Variants in CEP85L observed in about 807,000 individuals in gnomAD.
The protein encoded by CEP85L is centrosomal protein 85L, also known as centrosomal protein of 85 kDa-like.
A neutral mutation model predicts 100.3 loss-of-function variants in CEP85L; 60 were observed. The observed-to-expected ratio is 0.60, with a 90% CI of 0.49 to 0.74. The LOEUF is 0.74. CEP85L is among the 30% of genes least tolerant of loss of function. CEP85L has a pLI of 0.00. For synonymous variants in CEP85L, 319 were observed against 322.7 expected, an observed-to-expected ratio of 0.99 and a Z score of 0.12; for missense variants, 973 against 936.2, an observed-to-expected ratio of 1.04 and a Z score of -0.51.
At chr6:118,499,807 C>T (rs959955694) in intron 5 of CEP85L, among the ~76,000 whole-genome samples, 7 of 152,108 alleles carry the variant, frequency 4.6e-5, no homozygotes, top group Admixed American at 1.3e-4. Context: ...CTTGAAGCTT[C>T]GCCACCAAGA....
intron 1 of CEP85L, among the ~76,000 whole-genome samples, chr6:118,645,560 A>T (rs749957608): frequency 3.9e-5 from 6 of 152,176 alleles, no homozygotes; most frequent in Non-Finnish European, 8.8e-5. Context: ...TTCCCAGCTG[A>T]GCCTGAGAGG....
intron 10 of CEP85L, among the ~76,000 whole-genome samples, chr6:118,471,328 C>T (rs1429075223): frequency 6.6e-6 from 1 of 152,020 alleles, no homozygotes; most frequent in East Asian, 1.9e-4. Flanking sequence ...AATTGCCATA[C>T]ACCCTGTAGT....
At chr6:118,654,688 T>A (rs1215016048), upstream of CEP85L, among the ~76,000 whole-genome samples, 2 of 152,256 alleles carry the variant, frequency 1.3e-5, no homozygotes, top group Non-Finnish European at 2.9e-5. Flanking sequence ...GCAGGTAGAA[T>A]TCAAATAGGT....
intron 1 of CEP85L, among the ~76,000 whole-genome samples, chr6:118,638,220 A>G (rs1774638361): frequency 1.3e-5 from 2 of 151,918 alleles, no homozygotes; most frequent in Admixed American, 1.3e-4. Flanking sequence ...AAAAAAAAAA[A>G]GGAAAAGAAT....
intron 5 of CEP85L, among the ~76,000 whole-genome samples, chr6:118,497,920 G>A (rs1399501929): frequency 6.6e-6 from 1 of 152,186 alleles, no homozygotes; most frequent in African/African-American, 2.4e-5. Context: ...ATGTTTCTGT[G>A]TATGTGTGCA....
intron 3 of CEP85L, among the ~76,000 whole-genome samples, chr6:118,562,048 A>G (rs1266894507): frequency 1.3e-5 from 2 of 152,198 alleles, no homozygotes; most frequent in African/African-American, 4.8e-5. Context: ...GACAGATGAA[A>G]AAAGTGAAAC....
intron 3 of CEP85L, among the ~76,000 whole-genome samples, chr6:118,544,626 A>G (rs560751501): frequency 2.4e-4 from 36 of 152,300 alleles, no homozygotes; most frequent in African/African-American, 8.7e-4. Flanking sequence ...CTTAATGTCA[A>G]TGCTCTTCTC....
chr6:118,468,945 C>A lies in CEP85L; in HGVS notation c.2254+127G>T, dbSNP rs78204207. ...AAGTAATAACAGGTATACATAAACC[C>A]ACAGACTGATTCTAAGTAGGAAAAG... On this transcript the variant is annotated intron_variant, in intron 12 of 12. Transcript: ENST00000368491. 2.6e-3 allele frequency: 1,755 copies of A among 666,232 alleles called. 4 individuals carry two copies. The highest frequency in any genetic ancestry group is 3.4e-3 in the Non-Finnish European group (1,328 of 387,764). The allele number at this position is 666,232 out of a possible 1,614,324, so 41.3% of individuals were successfully genotyped here.
intron 2 of CEP85L, among the ~76,000 whole-genome samples, chr6:118,622,313 T>A (rs111780493): frequency 0.028 from 4,264 of 152,228 alleles, 99 homozygotes; most frequent in African/African-American, 0.056. Context: ...AGGATCAGTG[T>A]TTCAAATATG....
chr6:118,501,392 G>A (rs1212261014), intron 5 of CEP85L: 2 of 364,806 alleles, frequency 5.5e-6, no homozygotes, highest in African/African-American at 2.1e-5. Context: ...GGCCCCTCTT[G>A]AGAAGACAGC....
At chr6:118,676,012 T>G (rs911520400) in intron 1 of CEP85L, among the ~76,000 whole-genome samples, 3 of 152,130 alleles carry the variant, frequency 2.0e-5, no homozygotes, top group African/African-American at 4.8e-5. Context: ...TCCAATCAGG[T>G]GAAGAGTTGT....
intron 2 of CEP85L, among the ~76,000 whole-genome samples, chr6:118,600,298 G>GGGGGGGGGGTGT: frequency 1.7e-5 from 1 of 59,198 alleles, no homozygotes; most frequent in African/African-American, 5.7e-5. Flanking sequence ...AGCCTTCCTG[G>GGGGGGGGGGTGT]GGGTGTGTGT....
chr6:118,491,555 T>G lies in CEP85L; in HGVS notation c.1437+131A>C. On this transcript the variant is annotated intron_variant, in intron 6 of 12. Coordinates refer to ENST00000368491, the MANE Select transcript of CEP85L (RefSeq NM_001042475.3). ...CAGCAGAGGGCTTCTCAAAAGTTAC[T>G]ACAAAATTAATCACCTCCACATAAA... 2.1e-6 allele frequency: 3 copies of G among 1,428,766 alleles called. No individual in the cohort carries two copies. The South Asian group carries it at 4.9e-5, about 23-fold the overall frequency. 88.5% of individuals were successfully genotyped at this position (1,428,766 alleles called of 1,614,324 possible).
chr6:118,489,294 A>T (rs1774397337), intron 6 of CEP85L, among the ~76,000 whole-genome samples: 1 of 149,108 alleles, frequency 6.7e-6, no homozygotes, highest in Admixed American at 6.7e-5. Context: ...AAAAAATGAG[A>T]GATAAAGATT....
Position 118,474,017 on chromosome 6 carries a change from C to T in CEP85L, c.1915-3373G>A, listed in dbSNP as rs375817838. 3.9e-4 allele frequency among the ~76,000 whole-genome samples: 59 copies of T among 152,230 alleles called. 1 individual carries two copies. In the South Asian group the frequency reaches 0.012, roughly 31 times the overall value. ...ATTCCTTTCTTAAATTAGTTATCAT[C>T]TTGTAACTTGATAAAACTTTAAAAA... On this transcript the variant is annotated intron_variant, in intron 10 of 12. Coordinates refer to ENST00000368491, the MANE Select transcript of CEP85L (RefSeq NM_001042475.3).
At chr6:118,665,399 C>T (rs560854214) in intron 1 of CEP85L, among the ~76,000 whole-genome samples, 127 of 151,994 alleles carry the variant, frequency 8.4e-4, no homozygotes, top group Non-Finnish European at 1.4e-3. Context: ...TTGCTGGATG[C>T]GCAGGCTGGA....
chr6:118,603,638 G>C (rs1583149574), intron 2 of CEP85L, among the ~76,000 whole-genome samples: 1 of 152,218 alleles, frequency 6.6e-6, no homozygotes, highest in Admixed American at 6.5e-5. Context: ...CAAAGGATCA[G>C]CAACATTTTA....
intron 3 of CEP85L, among the ~76,000 whole-genome samples, chr6:118,533,642 A>G (rs1319611874): frequency 6.6e-6 from 1 of 152,192 alleles, no homozygotes; most frequent in Non-Finnish European, 1.5e-5. Context: ...CAGACAAGAC[A>G]GTAGGAAAAA....
At chr6:118,578,460 G>C (rs1212333371) in intron 2 of CEP85L, among the ~76,000 whole-genome samples, 1 of 152,210 alleles carries the variant, frequency 6.6e-6, no homozygotes, top group Admixed American at 6.5e-5. Flanking sequence ...GGCCGGGAGC[G>C]GTGGCTCACG....
Sources: gnomAD v4.1 joint callset for allele counts (sites outside exome capture counted in the v4.1 genomes callset) on GRCh38, gnomAD v4.1.1 for gene constraint, MANE v1.5 for transcripts, NCBI Gene and HGNC (gene_info 2026-07-23, HGNC 2026-07-21) for gene names.